Variants in PHLPP1 observed in about 807,000 individuals in gnomAD.
The protein encoded by PHLPP1 is PH domain leucine-rich repeat-containing protein phosphatase 1.
PHLPP1 carries 42 observed loss-of-function variants against 117.2 expected under a neutral mutation model. The ratio of observed to expected loss-of-function variants is 0.36; its 90% CI spans 0.28 to 0.46. The LOEUF (loss-of-function observed/expected upper bound fraction) is 0.46, where lower values mean the gene tolerates loss of function less well. Ranked by LOEUF, PHLPP1 falls within the 20% of genes least tolerant of loss-of-function variation. The pLI is 1.00. For synonymous variants in PHLPP1, 1,042 were observed against 970.7 expected, an observed-to-expected ratio of 1.07 and a Z score of -1.37; for missense variants, 2,084 against 2,241.9, an observed-to-expected ratio of 0.93 and a Z score of 1.42.
At chr18:62,918,042 T>TA (rs1240468032) in intron 9 of PHLPP1, among the ~76,000 whole-genome samples, 1 of 151,500 alleles carries the variant, frequency 6.6e-6, no homozygotes. Flanking sequence ...CCGTCTCTAC[T>TA]AAAAAATATG....
At chr18:62,740,167 A>C (rs970977075) in intron 1 of PHLPP1, among the ~76,000 whole-genome samples, 1 of 7,340 alleles carries the variant, frequency 1.4e-4, no homozygotes, top group South Asian at 6.3e-3. Flanking sequence ...GGCGGGAGGG[A>C]GGGTGGGTAG....
intron 10 of PHLPP1, among the ~76,000 whole-genome samples, chr18:62,939,329 TCC>T (rs1910063260): frequency 6.6e-6 from 1 of 152,186 alleles, no homozygotes; most frequent in African/African-American, 2.4e-5. Context: ...TTATATAGTT[TCC>T]CAGCCAACAC....
chr18:62,777,918 T>C (rs899384375), intron 1 of PHLPP1, among the ~76,000 whole-genome samples: 2 of 152,204 alleles, frequency 1.3e-5, no homozygotes, highest in Admixed American at 1.3e-4. Context: ...GTTATTACTT[T>C]AAAATTACTC....
chr18:62,973,940 G>A (rs1189847612), intron 15 of PHLPP1, among the ~76,000 whole-genome samples: 2 of 152,208 alleles, frequency 1.3e-5, no homozygotes, highest in Non-Finnish European at 2.9e-5. Flanking sequence ...TTCAAAGGAT[G>A]TTGTAACTAG....
At chr18:62,768,912 A>G (rs1332547509) in intron 1 of PHLPP1, among the ~76,000 whole-genome samples, 1 of 152,218 alleles carries the variant, frequency 6.6e-6, no homozygotes, top group Non-Finnish European at 1.5e-5. Flanking sequence ...GGTATCAAGA[A>G]AATGATTTAT....
intron 14 of PHLPP1, among the ~76,000 whole-genome samples, chr18:62,969,485 A>G (rs1245142063): frequency 6.6e-6 from 1 of 152,040 alleles, no homozygotes; most frequent in Non-Finnish European, 1.5e-5. Flanking sequence ...AAAAAAAAAA[A>G]TTGCTGTTGG....
intron 12 of PHLPP1, among the ~76,000 whole-genome samples, chr18:62,947,018 G>A (rs1177974888): frequency 6.6e-5 from 10 of 152,228 alleles, no homozygotes; most frequent in East Asian, 5.8e-4. Context: ...GTGCCACTGC[G>A]CTCCAGCCTG....
chr18:62,978,123 GC>G lies in PHLPP1; in HGVS notation c.3985-136del. 1 of 603,194 alleles carries G rather than the reference GC, an allele frequency of 1.7e-6. No individual in the cohort carries two copies. The highest frequency in any genetic ancestry group is 3.0e-6 in the Non-Finnish European group (1 of 336,100). 37.4% of individuals were successfully genotyped at this position (603,194 alleles called of 1,614,324 possible). On this transcript the variant is annotated intron_variant, in intron 16 of 16. Transcript: ENST00000262719. The surrounding 1 kb of genome is among the most constrained non-coding windows in gnomAD (Gnocchi z 7.0). ...ACATTAACTACTCACTACAGAGTGA[GC>G]CCTTCTTTCCTCTGTGGGCCACACA... is the stretch of plus-strand genomic sequence containing the variant.
At chr18:62,818,903 G>T (rs1568126924) in intron 1 of PHLPP1, among the ~76,000 whole-genome samples, 1 of 152,186 alleles carries the variant, frequency 6.6e-6, no homozygotes, top group African/African-American at 2.4e-5. Flanking sequence ...CACAGTGGTG[G>T]TTTTCAAGCT....
At chr18:62,767,527 A>G (rs1444631153) in intron 1 of PHLPP1, among the ~76,000 whole-genome samples, 10 of 152,224 alleles carry the variant, frequency 6.6e-5, no homozygotes, top group Admixed American at 4.6e-4. Context: ...AACCCAATTC[A>G]GTTTTTGAGC....
chr18:62,720,975 G>T (rs138359414), intron 1 of PHLPP1, among the ~76,000 whole-genome samples: 102 of 152,254 alleles, frequency 6.7e-4, no homozygotes, highest in African/African-American at 2.4e-3. Flanking sequence ...TTCCGTCCTC[G>T]GGAGGGCGGA....
chr18:62,887,089 GA>G, intron 4 of PHLPP1, among the ~76,000 whole-genome samples: 1 of 152,264 alleles, frequency 6.6e-6, no homozygotes, highest in East Asian at 1.9e-4. Context: ...AAATGAGAAT[GA>G]AAAGATAGTG....
intron 9 of PHLPP1, among the ~76,000 whole-genome samples, chr18:62,916,816 C>T (rs1177660296): frequency 5.0e-5 from 6 of 119,226 alleles, no homozygotes; most frequent in East Asian, 2.7e-4. Context: ...TGCAGTGGTG[C>T]GATCTTGGCT....
intron 4 of PHLPP1, among the ~76,000 whole-genome samples, chr18:62,886,202 A>G (rs1916285073): frequency 6.6e-6 from 1 of 152,172 alleles, no homozygotes; most frequent in South Asian, 2.1e-4. Context: ...TGATTCTACC[A>G]TCTCTTCCCT....
rs141678906 is a variant in PHLPP1, at chr18:62,895,430, T to G, written c.2213+273T>G. On this transcript the variant is annotated intron_variant, in intron 5 of 16. Coordinates refer to ENST00000262719, the MANE Select transcript of PHLPP1 (RefSeq NM_194449.4). ...ATGGAATGTGGGTTATGTTCTCATT[T>G]TTCTGAGTTATATTGAATTTTAAGA... 2.7e-3 allele frequency among the ~76,000 whole-genome samples: 411 copies of G among 152,380 alleles called. 2 individuals are homozygous for G. Among genetic ancestry groups the G allele is most frequent in the African/African-American group, 9.6e-3 (400 of 41,596 alleles).
chr18:62,722,349 G>T (rs756327270), intron 1 of PHLPP1, among the ~76,000 whole-genome samples: 1 of 152,136 alleles, frequency 6.6e-6, no homozygotes, highest in Non-Finnish European at 1.5e-5. Flanking sequence ...AGTCTATCTG[G>T]ACTGGAGAAG....
At chr18:62,739,337 C>T (rs578146919) in intron 1 of PHLPP1, among the ~76,000 whole-genome samples, 3 of 152,310 alleles carry the variant, frequency 2.0e-5, no homozygotes, top group African/African-American at 7.2e-5. Flanking sequence ...GGTCAGTTAG[C>T]TGGCAAAGCT....
intron 1 of PHLPP1, among the ~76,000 whole-genome samples, chr18:62,741,198 T>C (rs917040061): frequency 1.3e-5 from 2 of 152,196 alleles, no homozygotes; most frequent in Admixed American, 6.5e-5. Flanking sequence ...TAGACCGTTC[T>C]TGATTTTATA....
intron 10 of PHLPP1, among the ~76,000 whole-genome samples, chr18:62,923,358 T>G (rs1435833358): frequency 6.6e-6 from 1 of 152,038 alleles, no homozygotes; most frequent in Admixed American, 6.5e-5. Context: ...ATGGGAGAAA[T>G]AAGAAACTTT....
Sources: gnomAD v4.1 joint callset for allele counts (sites outside exome capture counted in the v4.1 genomes callset) on GRCh38, gnomAD v4.1.1 for gene constraint, Gnocchi (gnomAD v3.1) non-coding constraint, MANE v1.5 for transcripts, NCBI Gene and HGNC (gene_info 2026-07-23, HGNC 2026-07-21) for gene names.